DNAH8: variants seen among roughly 807,000 people sequenced by gnomAD.
The protein encoded by DNAH8 is dynein axonemal heavy chain 8, also known as axonemal beta dynein heavy chain 8.
DNAH8 carries 382 observed loss-of-function variants against 562.1 expected under a neutral mutation model. That is an observed-to-expected ratio of 0.68 (90% CI 0.63 to 0.74). The LOEUF is 0.74. DNAH8 is among the 30% of genes least tolerant of loss of function. DNAH8 has a pLI of 0.00. For missense variants in DNAH8, 5,203 were observed against 5,620.4 expected (o/e 0.93, Z 2.37); for synonymous variants, 1,881 against 1,919.4 (o/e 0.98, Z 0.52).
At chr6:38,715,952 ATATATATATTT>A (rs1373804242) in intron 1 of DNAH8, among the ~76,000 whole-genome samples, 5 of 25,698 alleles carry the variant, frequency 1.9e-4, no homozygotes, top group African/African-American at 5.4e-4. Flanking sequence ...ATATATATAT[ATATATATATTT>A]TTTTTTTTTT....
chr6:38,797,062 T>C (rs1403533795), intron 21 of DNAH8, among the ~76,000 whole-genome samples: 2 of 152,338 alleles, frequency 1.3e-5, no homozygotes, highest in African/African-American at 2.4e-5. Context: ...AGTTAAACAC[T>C]GTTAAATAAT....
In DNAH8 at chr6:38,824,308, A is replaced by G. The variant is rs555790784; in HGVS notation, c.3847+620A>G. On this transcript the variant is annotated intron_variant, in intron 28 of 92. Transcript: ENST00000327475. ...CTGTGGACGTAGACAGGTTGACATC[A>G]TCTGTAGAAGGATGCTTACTCAGGT... 1.1e-4 allele frequency among the ~76,000 whole-genome samples: 17 copies of G among 152,298 alleles called. No homozygotes were observed. In the East Asian group the frequency reaches 2.9e-3, roughly 26 times the overall value.
intron 26 of DNAH8, among the ~76,000 whole-genome samples, chr6:38,818,822 T>C (rs1738219): frequency 0.49 from 74,719 of 151,648 alleles, 19,337 homozygotes; most frequent in East Asian, 0.69. Flanking sequence ...CATGTGCTGA[T>C]GAAGTTGTTG....
At chr6:38,773,254 TTACCCC>T (rs59928939) in intron 12 of DNAH8, among the ~76,000 whole-genome samples, 18,570 of 152,040 alleles carry the variant, frequency 0.12, 1,360 homozygotes, top group Admixed American at 0.22. Context: ...TGGGTCTCAG[TTACCCC>T]TACCCCTATT....
intron 30 of DNAH8, 116 bp downstream of exon 30, chr6:38,828,404 A>T: frequency 1.7e-6 from 1 of 573,182 alleles, no homozygotes; most frequent in Non-Finnish European, 3.0e-6. Context: ...ACAATGTTTC[A>T]GTCAACAACA....
chr6:39,008,993 T>G, intron 89 of DNAH8, 23 bp downstream of exon 89: 1 of 1,553,966 alleles, frequency 6.4e-7, no homozygotes, highest in Non-Finnish European at 8.8e-7. Flanking sequence ...GGTTTCCCAC[T>G]GGCATACAGG....
At chr6:38,930,238 T>C (rs920648226) in intron 75 of DNAH8, among the ~76,000 whole-genome samples, 6 of 152,182 alleles carry the variant, frequency 3.9e-5, no homozygotes, top group Non-Finnish European at 1.5e-5. Flanking sequence ...AATATTGTTC[T>C]CAATTGTTGG....
chr6:38,964,765 A>G (rs1246888170), intron 82 of DNAH8, among the ~76,000 whole-genome samples: 1 of 152,208 alleles, frequency 6.6e-6, no homozygotes, highest in African/African-American at 2.4e-5. Context: ...ACGTAGAGAT[A>G]TAAAATAATG....
Position 38,913,879 on chromosome 6 carries a change from C to G in DNAH8, c.9890C>G (p.Ser3297Cys), listed in dbSNP as rs768565947. ...GLDKLMEASE[S>C]VAKLSQDLAV... Reference sequence around the variant, plus strand: ...GATAAACTAATGGAGGCAAGTGAATCTGTTGCTAAACTCTCTCAGGATCTT... The same window carrying G: ...GATAAACTAATGGAGGCAAGTGAATGTGTTGCTAAACTCTCTCAGGATCTT... Residue 3297 changes from serine (S) to cysteine (C), a missense_variant, in exon 67 of 93, where the codon TCT (serine) becomes TGT (cysteine). Around this residue, in one of 6 missense-constraint regions of DNAH8, gnomAD observed 977 missense variants for 1,061.8 expected, o/e 0.92. Transcript: ENST00000327475. The G allele has an allele frequency of 2.0e-5, 33 of 1,613,004 alleles. No homozygotes were observed. Among genetic ancestry groups the G allele is most frequent in the Non-Finnish European group, 2.7e-5 (32 of 1,179,360 alleles).
chr6:39,004,421 T>C (rs1248865247), intron 88 of DNAH8, among the ~76,000 whole-genome samples: 1 of 152,150 alleles, frequency 6.6e-6, no homozygotes, highest in African/African-American at 2.4e-5. Flanking sequence ...CTTCAAACCT[T>C]CCAACAGAAT....
intron 72 of DNAH8, 121 bp downstream of exon 72, chr6:38,923,306 A>T (rs576009371): frequency 8.5e-7 from 1 of 1,183,340 alleles, no homozygotes; most frequent in East Asian, 2.5e-5. Context: ...AACTTAAATC[A>T]TGCACTCTCA....
chr6:38,739,654 A>G (rs1304188740), intron 7 of DNAH8, among the ~76,000 whole-genome samples: 1 of 152,166 alleles, frequency 6.6e-6, no homozygotes, highest in Non-Finnish European at 1.5e-5. Context: ...ATAAATAAAT[A>G]AAGAAAAGAA....
At chr6:38,755,473 A>T (rs1640745200) in intron 9 of DNAH8, among the ~76,000 whole-genome samples, 1 of 152,188 alleles carries the variant, frequency 6.6e-6, no homozygotes, top group Admixed American at 6.5e-5. Flanking sequence ...CAATATCTTC[A>T]GAGCCTAATG....
chr6:39,013,680 G>A (rs1408649296), intron 91 of DNAH8, among the ~76,000 whole-genome samples: 5 of 152,104 alleles, frequency 3.3e-5, no homozygotes, highest in African/African-American at 1.2e-4. Flanking sequence ...GTAAAACCCT[G>A]TCTCTACAAA....
intron 52 of DNAH8, 72 bp downstream of exon 52, chr6:38,873,448 T>A: frequency 1.5e-6 from 2 of 1,361,248 alleles, no homozygotes; most frequent in African/African-American, 1.5e-5. Flanking sequence ...TTTACAGCCA[T>A]CTGAAATAGA....
intron 39 of DNAH8, among the ~76,000 whole-genome samples, chr6:38,852,148 C>G (rs1293382364): frequency 6.6e-6 from 1 of 152,112 alleles, no homozygotes; most frequent in East Asian, 1.9e-4. Flanking sequence ...TTCTCAAATG[C>G]TTTTAGCCAT....
Position 38,853,259 on chromosome 6 carries a change from C to A in DNAH8, c.5645C>A (p.Ser1882Ter). 6.2e-7 allele frequency: 1 copy of A among 1,613,040 alleles called. No individual in the cohort carries two copies. The highest frequency in any genetic ancestry group is 8.5e-7 in the Non-Finnish European group (1 of 1,179,466). ...LLDLLKMQMS[S>*]LHNIIRSAFY... ...GATTTGTTAAAAATGCAGATGTCATCATTACATAATATAATTAGATCCGCT... is the reference window on the plus strand; with the variant it reads ...GATTTGTTAAAAATGCAGATGTCATAATTACATAATATAATTAGATCCGCT... Residue 1882 changes from serine (S) to a stop codon, truncating the protein, a stop_gained, in exon 41 of 93, where the codon TCA becomes TAA. Transcript: ENST00000327475. LOFTEE classifies it high-confidence loss of function.
At chr6:38,771,548 A>G (rs925666875) in intron 12 of DNAH8, among the ~76,000 whole-genome samples, 1 of 151,954 alleles carries the variant, frequency 6.6e-6, no homozygotes, top group African/African-American at 2.4e-5. Flanking sequence ...GTCACACCCC[A>G]TTCTCTCCTC....
At chr6:38,754,552 T>C (rs987874011) in intron 9 of DNAH8, among the ~76,000 whole-genome samples, 1 of 152,132 alleles carries the variant, frequency 6.6e-6, no homozygotes, top group Non-Finnish European at 1.5e-5. Context: ...ATTTCTTCCA[T>C]CACCATTAAA....
Sources: allele counts gnomAD v4.1 joint callset (sites outside exome capture counted in the v4.1 genomes callset), GRCh38; gene constraint gnomAD v4.1.1; regional missense constraint gnomAD v4.1.1; transcripts MANE v1.5; gene names NCBI Gene and HGNC (gene_info 2026-07-23, HGNC 2026-07-21).